The following PRKCA variants were observed in gnomAD, a reference collection of about 807,000 sequenced individuals.
The protein encoded by PRKCA is protein kinase C alpha type.
In PRKCA, 27 loss-of-function variants were observed where a neutral mutation model predicts 87.0. The ratio of observed to expected loss-of-function variants is 0.31; its 90% CI spans 0.23 to 0.43. PRKCA has a LOEUF of 0.43. PRKCA is among the 20% of genes least tolerant of loss of function. PRKCA has a pLI of 1.00. For missense variants in PRKCA, 518 were observed against 852.3 expected (o/e 0.61, Z 4.88); for synonymous variants, 329 against 311.1 (o/e 1.06, Z -0.61).
intron 3 of PRKCA, among the ~76,000 whole-genome samples, chr17:66,517,775 G>A (rs141435075): frequency 2.0e-5 from 3 of 152,274 alleles, no homozygotes; most frequent in Non-Finnish European, 4.4e-5. Context: ...CAGTTGAGGT[G>A]TGCAACTTCC....
intron 8 of PRKCA, among the ~76,000 whole-genome samples, chr17:66,730,343 G>C (rs1053458171): frequency 2.0e-5 from 3 of 152,218 alleles, no homozygotes; most frequent in African/African-American, 7.2e-5. Flanking sequence ...AACCTACAGA[G>C]TAAAGTGAAA....
chr17:66,572,147 A>G (rs1347085202), intron 3 of PRKCA, among the ~76,000 whole-genome samples: 1 of 152,156 alleles, frequency 6.6e-6, no homozygotes, highest in Non-Finnish European at 1.5e-5. Context: ...TAGTTTCCAG[A>G]ATGAATATTG....
At chr17:66,533,556 C>T (rs1245450125) in intron 3 of PRKCA, among the ~76,000 whole-genome samples, 1 of 152,178 alleles carries the variant, frequency 6.6e-6, no homozygotes, top group Non-Finnish European at 1.5e-5. Context: ...AAATGAGAAA[C>T]GTGGTAGGGT....
At chr17:66,338,661 C>T (rs1224785102) in intron 2 of PRKCA, among the ~76,000 whole-genome samples, 1 of 152,016 alleles carries the variant, frequency 6.6e-6, no homozygotes, top group Non-Finnish European at 1.5e-5. Context: ...ACAAGTGAAC[C>T]AAGATTCTGC....
At chr17:66,436,989 T>C (rs1302214909) in intron 2 of PRKCA, among the ~76,000 whole-genome samples, 5 of 152,126 alleles carry the variant, frequency 3.3e-5, no homozygotes, top group Admixed American at 2.6e-4. Context: ...AGCCAGAGTT[T>C]ATGGGATATG....
At chr17:66,306,583 C>T (rs1158328745) in intron 2 of PRKCA, among the ~76,000 whole-genome samples, 2 of 152,064 alleles carry the variant, frequency 1.3e-5, no homozygotes, top group South Asian at 2.1e-4. Context: ...CAGTTGTCAT[C>T]GAGAACAAAG....
At chr17:66,513,992 G>A (rs4375700) in intron 3 of PRKCA, among the ~76,000 whole-genome samples, 1 of 151,902 alleles carries the variant, frequency 6.6e-6, no homozygotes, top group Non-Finnish European at 1.5e-5. Flanking sequence ...CCCCACTTAT[G>A]TGTGGTTTCA....
intron 5 of PRKCA, among the ~76,000 whole-genome samples, chr17:66,657,762 C>T (rs1034543369): frequency 2.0e-5 from 3 of 152,066 alleles, no homozygotes; most frequent in Non-Finnish European, 4.4e-5. Context: ...TCTGAAAGAC[C>T]CTGAAGTCTG....
intron 2 of PRKCA, among the ~76,000 whole-genome samples, chr17:66,409,033 CAAAA>C (rs10661202): frequency 9.1e-5 from 7 of 76,994 alleles, no homozygotes; most frequent in Admixed American, 1.8e-4. Context: ...TCCCCAGTCT[CAAAA>C]AAAAAAAAAA....
intron 3 of PRKCA, among the ~76,000 whole-genome samples, chr17:66,502,103 A>G (rs1007797156): frequency 6.6e-6 from 1 of 151,990 alleles, no homozygotes; most frequent in Non-Finnish European, 1.5e-5. Context: ...ATTTTCGATT[A>G]TGTCTGTTCA....
chr17:66,798,540 CGGT>C (rs1568041212), intron 16 of PRKCA, among the ~76,000 whole-genome samples: 2 of 5,156 alleles, frequency 3.9e-4, no homozygotes, highest in Non-Finnish European at 2.8e-4. Context: ...ATGGTGGTGA[CGGT>C]GGTGGTGGTG....
At chr17:66,556,859 A>C (rs1002383571) in intron 3 of PRKCA, among the ~76,000 whole-genome samples, 1 of 151,986 alleles carries the variant, frequency 6.6e-6, no homozygotes, top group South Asian at 2.1e-4. Flanking sequence ...CTTATAAATT[A>C]CCCCATCTCG....
intron 2 of PRKCA, among the ~76,000 whole-genome samples, chr17:66,335,743 T>A (rs1454103572): frequency 6.6e-6 from 1 of 152,212 alleles, no homozygotes; most frequent in African/African-American, 2.4e-5. Flanking sequence ...ACCATTTTAT[T>A]TTTAGCCACT....
intron 8 of PRKCA, among the ~76,000 whole-genome samples, chr17:66,705,888 A>C (rs1973180083): frequency 6.6e-6 from 1 of 152,224 alleles, no homozygotes; most frequent in African/African-American, 2.4e-5. Context: ...GGGTGACACC[A>C]AACATAATGC....
At chr17:66,481,244 G>T (rs1448558735) in intron 2 of PRKCA, among the ~76,000 whole-genome samples, 1 of 152,078 alleles carries the variant, frequency 6.6e-6, no homozygotes, top group South Asian at 2.1e-4. Context: ...CTCCAGGGGG[G>T]CCCCTGAGCG....
intron 2 of PRKCA, among the ~76,000 whole-genome samples, chr17:66,318,854 CAA>C (rs998079407): frequency 7.2e-6 from 1 of 138,708 alleles, no homozygotes. Flanking sequence ...GACTCGGTCT[CAA>C]AAAAAAAAAG....
intron 3 of PRKCA, among the ~76,000 whole-genome samples, chr17:66,514,965 A>G (rs1044409724): frequency 2.0e-5 from 3 of 152,070 alleles, no homozygotes; most frequent in Admixed American, 2.0e-4. Flanking sequence ...TGTGATAAAG[A>G]AGGGATGTGG....
intron 3 of PRKCA, among the ~76,000 whole-genome samples, chr17:66,580,548 T>C (rs898906611): frequency 3.9e-5 from 6 of 152,178 alleles, no homozygotes; most frequent in African/African-American, 1.4e-4. Flanking sequence ...TCTTAGCATC[T>C]CAGCAATCCA....
intron 3 of PRKCA, among the ~76,000 whole-genome samples, chr17:66,629,624 C>T (rs1405288606): frequency 1.3e-5 from 2 of 152,154 alleles, no homozygotes; most frequent in African/African-American, 4.8e-5. Flanking sequence ...TTTTACGTTC[C>T]TTTCCAACTA....
Sources: gnomAD v4.1 joint callset for allele counts (sites outside exome capture counted in the v4.1 genomes callset) on GRCh38, gnomAD v4.1.1 for gene constraint, MANE v1.5 for transcripts, NCBI Gene and HGNC (gene_info 2026-07-23, HGNC 2026-07-21) for gene names.